Variants in LPP observed in about 807,000 individuals in gnomAD.
LPP encodes the protein lipoma-preferred partner.
A neutral mutation model predicts 60.4 loss-of-function variants in LPP; 38 were observed. That is an observed-to-expected ratio of 0.63 (90% CI 0.49 to 0.83). LPP has a LOEUF of 0.83. LPP is among the 40% of genes least tolerant of loss of function. The probability of loss-of-function intolerance (pLI) is 0.00; values close to 1 mark genes in which losing one functional copy is unlikely to be tolerated. For missense variants in LPP, 902 were observed against 783.6 expected, an observed-to-expected ratio of 1.15 and a Z score of -1.80; for synonymous variants, 328 against 290.8, an observed-to-expected ratio of 1.13 and a Z score of -1.30.
chr3:188,866,102 G>A, intron 9 of LPP, 98 bp from the exon 10 acceptor site: 7 of 960,928 alleles, frequency 7.3e-6, no homozygotes, highest in Non-Finnish European at 1.0e-5. Context: ...AGAGTGGTGT[G>A]ATAAGGACCT....
chr3:188,234,737 C>T (rs1189083602), intron 2 of LPP, among the ~76,000 whole-genome samples: 2 of 152,190 alleles, frequency 1.3e-5, no homozygotes, highest in African/African-American at 4.8e-5. Context: ...TACTCAAACT[C>T]TGTATGTCTT....
chr3:188,666,986 A>G (rs769248684), intron 7 of LPP, among the ~76,000 whole-genome samples: 7 of 152,226 alleles, frequency 4.6e-5, no homozygotes, highest in African/African-American at 7.2e-5. Flanking sequence ...TGCACACAGT[A>G]AAACAGTGAT....
At chr3:188,812,098 C>T (rs1339755692) in intron 9 of LPP, among the ~76,000 whole-genome samples, 1 of 151,978 alleles carries the variant, frequency 6.6e-6, no homozygotes, top group Non-Finnish European at 1.5e-5. Flanking sequence ...CTGGTCTGTT[C>T]CTAGGTCAAG....
At chr3:188,532,297 C>T (rs541350400) in intron 6 of LPP, among the ~76,000 whole-genome samples, 151 of 152,202 alleles carry the variant, frequency 9.9e-4, no homozygotes, top group Non-Finnish European at 1.7e-3. Context: ...TGGTGGCATG[C>T]ACCTGTAGTC....
chr3:188,222,134 G>A (rs529854272), intron 1 of LPP, among the ~76,000 whole-genome samples: 1 of 152,252 alleles, frequency 6.6e-6, no homozygotes, highest in Admixed American at 6.5e-5. Flanking sequence ...TCAAAATGTG[G>A]ATTTGGAGGC....
chr3:188,277,636 T>C (rs914313519), intron 2 of LPP, among the ~76,000 whole-genome samples: 1 of 152,218 alleles, frequency 6.6e-6, no homozygotes, highest in African/African-American at 2.4e-5. Context: ...TTAATCTCTC[T>C]AAGAGACATG....
intron 9 of LPP, among the ~76,000 whole-genome samples, chr3:188,774,547 G>A (rs181864775): frequency 5.7e-4 from 86 of 152,062 alleles, no homozygotes; most frequent in Admixed American, 4.6e-3. Flanking sequence ...GGAGTATTTA[G>A]TACATTTTTT....
At chr3:188,639,689 A>G (rs1450964383) in intron 7 of LPP, among the ~76,000 whole-genome samples, 4 of 151,690 alleles carry the variant, frequency 2.6e-5, no homozygotes, top group Non-Finnish European at 5.9e-5. Context: ...AAACAACCCC[A>G]TCAAAAAGTG....
At chr3:188,665,425 T>C (rs940601635) in intron 7 of LPP, among the ~76,000 whole-genome samples, 1 of 151,332 alleles carries the variant, frequency 6.6e-6, no homozygotes. Flanking sequence ...ATTTCCTCTC[T>C]AAACAGAGCA....
At chr3:188,426,840 T>G (rs1024071043) in intron 4 of LPP, among the ~76,000 whole-genome samples, 1 of 152,226 alleles carries the variant, frequency 6.6e-6, no homozygotes, top group Non-Finnish European at 1.5e-5. Flanking sequence ...TGAGCCTGTA[T>G]GTGTCTTTGC....
At chr3:188,189,600 T>C (rs964095848) in intron 1 of LPP, among the ~76,000 whole-genome samples, 1 of 152,226 alleles carries the variant, frequency 6.6e-6, no homozygotes, top group Non-Finnish European at 1.5e-5. Context: ...TAAACCCTTC[T>C]GTTCTGAGTT....
rs7652471 is a variant in LPP, at chr3:188,582,160, T to C, written c.430-27001T>C. 2.1e-3 allele frequency among the ~76,000 whole-genome samples: 162 copies of C among 76,380 alleles called. 2 individuals are homozygous for C. Among genetic ancestry groups the C allele is most frequent in the East Asian group, 8.7e-3 (7 of 808 alleles). 50.1% of individuals were successfully genotyped at this position (76,380 alleles called of 152,430 possible). ...GTTTTACCTTTTTCTTTTTCTTTTT[T>C]TTTTTTTTTTTTTTTTTTGAGACAG... On this transcript the variant is annotated intron_variant, in intron 6 of 11. Coordinates refer to ENST00000617246, the MANE Select transcript of LPP (RefSeq NM_001375462.1).
chr3:188,578,762 C>A (rs1269000264), intron 6 of LPP, among the ~76,000 whole-genome samples: 2 of 152,100 alleles, frequency 1.3e-5, no homozygotes, highest in Admixed American at 1.3e-4. Context: ...CACTGAGTCA[C>A]AATGTGATCA....
chr3:188,318,666 T>G (rs1755874015), intron 2 of LPP, among the ~76,000 whole-genome samples: 1 of 151,976 alleles, frequency 6.6e-6, no homozygotes, highest in Non-Finnish European at 1.5e-5. Flanking sequence ...CTTATTCTTT[T>G]CGACTTTGGT....
intron 3 of LPP, among the ~76,000 whole-genome samples, chr3:188,362,163 A>T (rs112103923): frequency 0.078 from 11,827 of 152,224 alleles, 671 homozygotes; most frequent in African/African-American, 0.15. Context: ...CCTTTTGAAG[A>T]CTAAAAGGAT....
At chr3:188,355,215 G>C (rs966682693) in intron 3 of LPP, among the ~76,000 whole-genome samples, 1 of 152,032 alleles carries the variant, frequency 6.6e-6, no homozygotes, top group Admixed American at 6.6e-5. Context: ...CACCATATTG[G>C]CCATGCTGGT....
chr3:188,726,929 C>T (rs1718632283), intron 8 of LPP, among the ~76,000 whole-genome samples: 1 of 152,122 alleles, frequency 6.6e-6, no homozygotes, highest in Admixed American at 6.5e-5. Context: ...ATTCAAAATG[C>T]TGTGTAGTTT....
At chr3:188,540,153 G>A (rs1273825281) in intron 6 of LPP, among the ~76,000 whole-genome samples, 1 of 152,080 alleles carries the variant, frequency 6.6e-6, no homozygotes, top group East Asian at 1.9e-4. Context: ...TGAACACTGA[G>A]AAGTCTCTGA....
intron 1 of LPP, among the ~76,000 whole-genome samples, chr3:188,186,763 G>T (rs924880325): frequency 6.6e-6 from 1 of 151,068 alleles, no homozygotes; most frequent in African/African-American, 2.4e-5. Flanking sequence ...TTTTTTGGTG[G>T]TTACTATCAT....
Sources: gnomAD v4.1 joint callset for allele counts (sites outside exome capture counted in the v4.1 genomes callset) on GRCh38, gnomAD v4.1.1 for gene constraint, MANE v1.5 for transcripts, NCBI Gene and HGNC (gene_info 2026-07-23, HGNC 2026-07-21) for gene names.